Variants in ATXN10 observed in about 807,000 individuals in gnomAD.
ATXN10 encodes ataxin-10.
A neutral mutation model predicts 52.9 loss-of-function variants in ATXN10; 28 were observed. The observed-to-expected ratio is 0.53, with a 90% CI of 0.39 to 0.73. ATXN10 has a LOEUF of 0.73. Ranked by LOEUF, ATXN10 falls within the 30% of genes least tolerant of loss-of-function variation. The pLI is 0.00. For missense variants in ATXN10, 565 were observed against 577.0 expected (o/e 0.98, Z 0.21); for synonymous variants, 226 against 221.5 (o/e 1.02, Z -0.18).
rs138143749 is a variant in ATXN10 at position 45,787,307 on chromosome 22, C to T, written c.1174-19652C>T. Among the ~76,000 whole-genome samples the T allele has an allele frequency of 4.6e-5, 7 of 152,224 alleles. No homozygotes were observed. The highest frequency in any genetic ancestry group is 1.0e-4 in the Non-Finnish European group (7 of 68,020). On this transcript the variant is annotated intron_variant, in intron 9 of 11. Coordinates refer to ENST00000252934, the MANE Select transcript of ATXN10 (RefSeq NM_013236.4). This position sits in a 1 kb window ranked among gnomAD's most constrained non-coding sequence, Gnocchi z 4.2. ...GGGCTGCAGTGAGATTTGAGGGTGA[C>T]GATCCTCTAGCTGAAATGGACTCTA...
At position 45,841,624 on chromosome 22, in the gene ATXN10, A is replaced by C. The variant is rs1358340541; in HGVS notation, c.1238-1367A>C. Among the ~76,000 whole-genome samples the C allele has an allele frequency of 6.6e-6, 1 of 152,374 alleles. No individual in the cohort carries two copies. Among genetic ancestry groups the C allele is most frequent in the East Asian group, 1.9e-4 (1 of 5,190 alleles). On this transcript the variant is annotated intron_variant, in intron 10 of 11. Transcript: ENST00000252934. This position sits in a 1 kb window ranked among gnomAD's most constrained non-coding sequence, Gnocchi z 5.1. ...AAAGCCCCAAAAACACTTCCTGAGC[A>C]TACAGCTGACTGTGTTTAGTACGTT...
chr22:45,727,279 T>C lies in ATXN10; in HGVS notation c.729-2146T>C, dbSNP rs186953280. On this transcript the variant is annotated intron_variant, in intron 6 of 11. Coordinates refer to ENST00000252934, the MANE Select transcript of ATXN10 (RefSeq NM_013236.4). This position sits in a 1 kb window ranked among gnomAD's most constrained non-coding sequence, Gnocchi z 4.6. ...GGAATTGATTTCTAGTTTTATTCTA[T>C]TGTGGTCTGAGAAGATACTTGATAT... Among the ~76,000 whole-genome samples, 23 of 152,326 alleles carry C rather than the reference T, an allele frequency of 1.5e-4. No individual in the cohort carries two copies. The East Asian group carries it at 2.5e-3, about 17-fold the overall frequency.
chr22:45,747,224 G>A (rs545648372), intron 9 of ATXN10, among the ~76,000 whole-genome samples: 14 of 152,312 alleles, frequency 9.2e-5, no homozygotes, highest in Non-Finnish European at 1.3e-4. Flanking sequence ...CTGGGGGGCC[G>A]GGTGCAGTGG....
chr22:45,700,618 T>C (rs1923806827), intron 4 of ATXN10, among the ~76,000 whole-genome samples: 1 of 152,192 alleles, frequency 6.6e-6, no homozygotes, highest in Admixed American at 6.5e-5. Flanking sequence ...ATATCCAAAC[T>C]TTGTTCATTG....
chr22:45,821,531 A>T (rs1223594596), intron 10 of ATXN10, among the ~76,000 whole-genome samples: 6 of 152,182 alleles, frequency 3.9e-5, no homozygotes, highest in African/African-American at 1.4e-4. Flanking sequence ...AAGGCACTGC[A>T]CATCATGGTG....
intron 2 of ATXN10, 35 bp downstream of exon 2, chr22:45,689,938 G>C (rs1923305467): frequency 6.2e-7 from 1 of 1,601,290 alleles, no homozygotes. Context: ...CTGTTTCTTT[G>C]TATATGTGCA....
At chr22:45,758,706 G>T (rs1202067991) in intron 9 of ATXN10, among the ~76,000 whole-genome samples, 1 of 152,242 alleles carries the variant, frequency 6.6e-6, no homozygotes, top group African/African-American at 2.4e-5. Flanking sequence ...AGCCACTGCG[G>T]AGCGCCAGGA....
At chr22:45,778,228 C>G (rs1346171194) in intron 9 of ATXN10, among the ~76,000 whole-genome samples, 1 of 152,180 alleles carries the variant, frequency 6.6e-6, no homozygotes, top group Non-Finnish European at 1.5e-5. Context: ...TCTGTAACCT[C>G]TTTGTACCTT....
rs554559967 is a variant in ATXN10, at chr22:45,722,314, A to T, written c.728+3821A>T. On this transcript the variant is annotated intron_variant, in intron 6 of 11. Coordinates refer to ENST00000252934, the MANE Select transcript of ATXN10 (RefSeq NM_013236.4). ...TAGAGGGTTGGGTGGAGTGTCTGGT[A>T]GGGAGACCCGTATACCAGACTAAAG... Among the ~76,000 whole-genome samples, 132 of 152,274 alleles carry T rather than the reference A, an allele frequency of 8.7e-4. 1 individual carries two copies. The highest frequency in any genetic ancestry group is 7.9e-3 in the South Asian group (38 of 4,824).
chr22:45,804,390 C>T (rs1252551068), intron 9 of ATXN10, among the ~76,000 whole-genome samples: 1 of 152,176 alleles, frequency 6.6e-6, no homozygotes, highest in African/African-American at 2.4e-5. Context: ...ACCTTCAGTG[C>T]CTGGAAAAAA....
chr22:45,809,624 C>G (rs1928216095), intron 10 of ATXN10, among the ~76,000 whole-genome samples: 2 of 152,180 alleles, frequency 1.3e-5, no homozygotes, highest in Admixed American at 1.3e-4. Context: ...GTTAGGACTG[C>G]ACATCCCGTT....
At chr22:45,740,748 GTGTGTGTA>G in intron 9 of ATXN10, 3 of 347,138 alleles carry the variant, frequency 8.6e-6, no homozygotes, top group Non-Finnish European at 1.5e-5. Flanking sequence ...ACGTGTGTGT[GTGTGTGTA>G]TATATATATA....
chr22:45,760,445 TC>T (rs1317314303), intron 9 of ATXN10: 1 of 154,142 alleles, frequency 6.5e-6, no homozygotes, highest in African/African-American at 2.4e-5. Context: ...TCAGAGGCAG[TC>T]CTTGTTCTCA....
At chr22:45,675,951 A>C (rs995891530) in intron 1 of ATXN10, 8 of 151,940 alleles carry the variant, frequency 5.3e-5, no homozygotes, top group African/African-American at 1.9e-4. Context: ...CTTTTTTCTC[A>C]CATTTGTTTT....
At chr22:45,703,557 G>T (rs1271367051) in intron 5 of ATXN10, among the ~76,000 whole-genome samples, 1 of 152,154 alleles carries the variant, frequency 6.6e-6, no homozygotes, top group Non-Finnish European at 1.5e-5. Flanking sequence ...ACAGTCCAAG[G>T]CAGGGCCAAG....
intron 4 of ATXN10, among the ~76,000 whole-genome samples, chr22:45,700,954 G>A (rs1923820075): frequency 6.6e-6 from 1 of 152,120 alleles, no homozygotes; most frequent in African/African-American, 2.4e-5. Flanking sequence ...TTGGATCCTG[G>A]TACTTTTTCT....
intron 10 of ATXN10, among the ~76,000 whole-genome samples, chr22:45,811,383 G>A (rs1928274205): frequency 6.6e-6 from 1 of 152,036 alleles, no homozygotes; most frequent in South Asian, 2.1e-4. Context: ...TGTGTTTCTT[G>A]TATAAAGTAT....
At chr22:45,793,159 T>G (rs1213360785) in intron 9 of ATXN10, 1 of 159,260 alleles carries the variant, frequency 6.3e-6, no homozygotes, top group Non-Finnish European at 1.4e-5. Flanking sequence ...CAGACTTTTC[T>G]TATTTTAAAA....
intron 9 of ATXN10, among the ~76,000 whole-genome samples, chr22:45,788,402 T>C (rs1927391775): frequency 6.6e-6 from 1 of 151,298 alleles, no homozygotes; most frequent in Admixed American, 6.6e-5. Flanking sequence ...TTCTTTCTCT[T>C]ACCACAGTCC....
Sources: allele counts gnomAD v4.1 joint callset (sites outside exome capture counted in the v4.1 genomes callset), GRCh38; gene constraint gnomAD v4.1.1; non-coding constraint Gnocchi (gnomAD v3.1); transcripts MANE v1.5; gene names NCBI Gene and HGNC (gene_info 2026-07-23, HGNC 2026-07-21).